FGF10: variants seen among roughly 807,000 people sequenced by gnomAD.
The protein encoded by FGF10 is FGF-10.
Under a neutral mutation model 19.8 loss-of-function variants are expected in FGF10, and 2 were observed. The ratio of observed to expected loss-of-function variants is 0.10; its 90% CI spans 0.04 to 0.32. The LOEUF is 0.32. Ranked by LOEUF, FGF10 falls within the 10% of genes least tolerant of loss-of-function variation. The probability of loss-of-function intolerance (pLI) is 1.00; values close to 1 mark genes in which losing one functional copy is unlikely to be tolerated. For missense variants in FGF10, 191 were observed against 246.3 expected (o/e 0.78, Z 1.50); for synonymous variants, 112 against 94.0 (o/e 1.19, Z -1.10).
chr5:44,315,741 G>T (rs561184495), intron 1 of FGF10, among the ~76,000 whole-genome samples: 26 of 152,224 alleles, frequency 1.7e-4, no homozygotes, highest in African/African-American at 6.0e-4. Flanking sequence ...AAGAATTGTT[G>T]TCAGTGTCCT....
intron 1 of FGF10, among the ~76,000 whole-genome samples, chr5:44,329,080 C>T (rs1443965218): frequency 2.0e-5 from 3 of 152,060 alleles, no homozygotes; most frequent in Non-Finnish European, 2.9e-5. Flanking sequence ...AACTAGTTGA[C>T]GTATTTGAAG....
At position 44,303,002 on chromosome 5, in the gene FGF10, A is replaced by G. The variant is rs761640920; in HGVS notation, c.*1993T>C. On this transcript the variant is annotated 3_prime_UTR_variant, in exon 3 of 3. Transcript: ENST00000264664. ...TACCTAGTTTTGATAGGAATGCATT[A>G]CATTATAGCTCACAGACTGAGTTAC... Among the ~76,000 whole-genome samples, 3 of 152,190 alleles carry G rather than the reference A, an allele frequency of 2.0e-5. No individual in the cohort carries two copies. The highest frequency in any genetic ancestry group is 4.4e-5 in the Non-Finnish European group (3 of 68,032).
chr5:44,319,234 C>T (rs1393410664), intron 1 of FGF10, among the ~76,000 whole-genome samples: 1 of 152,024 alleles, frequency 6.6e-6, no homozygotes, highest in African/African-American at 2.4e-5. Flanking sequence ...AAAATTAAGC[C>T]ACATAAAGGG....
chr5:44,309,456 C>T (rs560357400), intron 2 of FGF10, among the ~76,000 whole-genome samples: 1 of 152,226 alleles, frequency 6.6e-6, no homozygotes, highest in Admixed American at 6.6e-5. Context: ...CATGTAACAA[C>T]CAATCATGCT....
intron 1 of FGF10, among the ~76,000 whole-genome samples, chr5:44,312,706 T>C (rs894525343): frequency 6.6e-6 from 1 of 152,062 alleles, no homozygotes; most frequent in Non-Finnish European, 1.5e-5. Context: ...TTACATTGTC[T>C]GGCCAAAAGA....
At position 44,303,072 on chromosome 5, in the gene FGF10, T is replaced by C. The variant is rs954798524; in HGVS notation, c.*1923A>G. Among the ~76,000 whole-genome samples the C allele has an allele frequency of 1.3e-5, 2 of 152,190 alleles. No homozygotes were observed. Among genetic ancestry groups the C allele is most frequent in the Non-Finnish European group, 2.9e-5 (2 of 68,024 alleles). ...AGATTCCAACCACAAAAATTAAACA[T>C]TTTTATAATCTCATTTGCCAAAAAG... On this transcript the variant is annotated 3_prime_UTR_variant, in exon 3 of 3. Coordinates refer to ENST00000264664, the MANE Select transcript of FGF10 (RefSeq NM_004465.2).
At chr5:44,305,580 C>T (rs1477902586) in intron 2 of FGF10, among the ~76,000 whole-genome samples, 1 of 151,860 alleles carries the variant, frequency 6.6e-6, no homozygotes, top group Non-Finnish European at 1.5e-5. Flanking sequence ...TAACCAGGGG[C>T]CCCATGGGAA....
At position 44,327,172 on chromosome 5, in the gene FGF10, C is replaced by T. The variant is rs17227997; in HGVS notation, c.326-16642G>A. Among the ~76,000 whole-genome samples the T allele has an allele frequency of 2.2e-4, 33 of 152,234 alleles. No individual in the cohort carries two copies. In the South Asian group the frequency reaches 2.9e-3, roughly 13 times the overall value. On this transcript the variant is annotated intron_variant, in intron 1 of 2. Coordinates refer to ENST00000264664, the MANE Select transcript of FGF10 (RefSeq NM_004465.2). ...TGCATATTCAACTCAAAATAATAAA[C>T]GTGTACCATGAGGGACTGACTGCTA... is the stretch of plus-strand genomic sequence containing the variant.
At chr5:44,352,017 A>C (rs1741244547) in intron 1 of FGF10, among the ~76,000 whole-genome samples, 1 of 151,680 alleles carries the variant, frequency 6.6e-6, no homozygotes, top group South Asian at 2.1e-4. Flanking sequence ...AAATATTTAT[A>C]GAATCAATCA....
chr5:44,376,219 A>G (rs1168593275), intron 1 of FGF10, among the ~76,000 whole-genome samples: 2 of 152,042 alleles, frequency 1.3e-5, no homozygotes, highest in Non-Finnish European at 2.9e-5. Flanking sequence ...TAAAAGATGC[A>G]GAGACCAAGA....
At position 44,388,999 on chromosome 5, in the gene FGF10, G is replaced by A. The variant is rs1448233578; in HGVS notation, c.-317C>T. On this transcript the variant is annotated 5_prime_UTR_variant, in exon 1 of 3. Coordinates refer to ENST00000264664, the MANE Select transcript of FGF10 (RefSeq NM_004465.2). ...GTCACCAGCGCTCTTCGCTCCCCCA[G>A]GAGTTACTTTGTTCTCTTCTTTACT... 8.0e-6 allele frequency: 4 copies of A among 496,948 alleles called. No homozygotes were observed. The highest frequency in any genetic ancestry group is 1.5e-5 in the Non-Finnish European group (4 of 271,556). The allele number at this position is 496,948 out of a possible 1,614,324, so 30.8% of individuals were successfully genotyped here. A position where few individuals can be genotyped will look rare whatever the true frequency, so the allele number is the denominator to read the frequency against.
chr5:44,330,674 T>C (rs1208100220), intron 1 of FGF10, among the ~76,000 whole-genome samples: 2 of 152,188 alleles, frequency 1.3e-5, no homozygotes, highest in African/African-American at 2.4e-5. Flanking sequence ...TAACTGTGTA[T>C]GTAATGAATG....
chr5:44,306,135 C>T (rs1740070577), intron 2 of FGF10, among the ~76,000 whole-genome samples: 1 of 152,170 alleles, frequency 6.6e-6, no homozygotes, highest in African/African-American at 2.4e-5. Flanking sequence ...CAGTGCCTCA[C>T]GCCTGTAATC....
At chr5:44,357,765 T>C (rs1156409371) in intron 1 of FGF10, among the ~76,000 whole-genome samples, 1 of 151,490 alleles carries the variant, frequency 6.6e-6, no homozygotes, top group Non-Finnish European at 1.5e-5. Flanking sequence ...CTTTTCAACA[T>C]CTTGGTGAAT....
intron 1 of FGF10, among the ~76,000 whole-genome samples, chr5:44,369,318 G>T (rs76837754): frequency 6.6e-6 from 1 of 152,056 alleles, no homozygotes; most frequent in Non-Finnish European, 1.5e-5. Context: ...TCAAAAGATG[G>T]TTCCTGAGGA....
chr5:44,385,292 A>G (rs74344372), intron 1 of FGF10, among the ~76,000 whole-genome samples: 1 of 152,256 alleles, frequency 6.6e-6, no homozygotes, highest in Non-Finnish European at 1.5e-5. Context: ...AATCACCCAT[A>G]TAGAGAAGAG....
At chr5:44,383,829 C>G (rs1439761813) in intron 1 of FGF10, among the ~76,000 whole-genome samples, 2 of 151,994 alleles carry the variant, frequency 1.3e-5, no homozygotes, top group African/African-American at 2.4e-5. Flanking sequence ...AAATAAGATA[C>G]CAGTGGAAGC....
intron 1 of FGF10, among the ~76,000 whole-genome samples, chr5:44,312,338 A>T (rs1308848999): frequency 6.6e-6 from 1 of 151,946 alleles, no homozygotes; most frequent in African/African-American, 2.4e-5. Context: ...TATTTAACTC[A>T]CACACACACA....
At chr5:44,344,688 C>T (rs1741047670) in intron 1 of FGF10, among the ~76,000 whole-genome samples, 1 of 149,720 alleles carries the variant, frequency 6.7e-6, no homozygotes, top group Non-Finnish European at 1.5e-5. Context: ...TACAAGTTTT[C>T]CTTCATGATG....
Sources: allele counts gnomAD v4.1 joint callset (sites outside exome capture counted in the v4.1 genomes callset), GRCh38; gene constraint gnomAD v4.1.1; transcripts MANE v1.5; gene names NCBI Gene and HGNC (gene_info 2026-07-23, HGNC 2026-07-21).